Variants in OR6N1 observed in about 807,000 individuals in gnomAD.
The protein encoded by OR6N1 is olfactory receptor family 6 subfamily N member 1.
For missense variants in OR6N1, 394 were observed against 371.7 expected, an observed-to-expected ratio of 1.06 and a Z score of -0.49; for synonymous variants, 170 against 150.7, an observed-to-expected ratio of 1.13 and a Z score of -0.94.
chr1:158,798,727 T>TTA, the OR6N1 span, among the ~76,000 whole-genome samples: 7,344 of 152,224 alleles, frequency 0.048, 343 homozygotes, highest in Admixed American at 0.13. Flanking sequence ...TACAAATAAT[T>TTA]TATATATATA....
chr1:158,775,222 C>T (rs892630375), upstream of OR6N1: 1 of 152,152 alleles, frequency 6.6e-6, no homozygotes, highest in Non-Finnish European at 1.5e-5. Flanking sequence ...ATAAATTAGA[C>T]TGAGTGTTCA....
the OR6N1 span, among the ~76,000 whole-genome samples, chr1:158,804,079 G>A: frequency 6.6e-6 from 1 of 152,172 alleles, no homozygotes. Flanking sequence ...ACTGAGGTCT[G>A]GGGACAGGTT....
the OR6N1 span, among the ~76,000 whole-genome samples, chr1:158,829,146 G>A: frequency 6.6e-6 from 1 of 152,170 alleles, no homozygotes; most frequent in Non-Finnish European, 1.5e-5. Flanking sequence ...ACACGCCCTG[G>A]AGATATTTTC....
At chr1:158,774,691 G>A (rs1657537167), upstream of OR6N1, 1 of 148,608 alleles carries the variant, frequency 6.7e-6, no homozygotes, top group Non-Finnish European at 1.5e-5. Context: ...TAGCTTACAT[G>A]CCCACCAAAG....
chr1:158,794,513 A>G, the OR6N1 span, among the ~76,000 whole-genome samples: 1 of 152,146 alleles, frequency 6.6e-6, no homozygotes, highest in Non-Finnish European at 1.5e-5. Context: ...CGCTGTTGCC[A>G]GGGAGCGTCT....
the OR6N1 span, among the ~76,000 whole-genome samples, chr1:158,787,606 C>A: frequency 5.6e-5 from 7 of 124,066 alleles, no homozygotes; most frequent in Admixed American, 7.7e-5. Flanking sequence ...CTCTCTCTCT[C>A]TATCTATCTC....
the OR6N1 span, among the ~76,000 whole-genome samples, chr1:158,830,122 T>C: frequency 1.7e-4 from 26 of 152,286 alleles, no homozygotes; most frequent in African/African-American, 6.3e-4. Context: ...CAGAAAGCTG[T>C]CCTGAAACAT....
At chr1:158,805,309 C>T in the OR6N1 span, among the ~76,000 whole-genome samples, 1 of 152,194 alleles carries the variant, frequency 6.6e-6, no homozygotes, top group East Asian at 1.9e-4. Context: ...GAGTCAATAT[C>T]CAATTGTCAC....
At chr1:158,782,240 A>G in the OR6N1 span, among the ~76,000 whole-genome samples, 1 of 152,240 alleles carries the variant, frequency 6.6e-6, no homozygotes, top group African/African-American at 2.4e-5. Flanking sequence ...AACATTAACT[A>G]TAATAGTTTT....
At chr1:158,800,818 A>G in the OR6N1 span, among the ~76,000 whole-genome samples, 1 of 152,226 alleles carries the variant, frequency 6.6e-6, no homozygotes, top group African/African-American at 2.4e-5. Flanking sequence ...TTTTTATTTC[A>G]AAAATAAGTT....
chr1:158,788,054 T>C, the OR6N1 span, among the ~76,000 whole-genome samples: 2,382 of 152,276 alleles, frequency 0.016, 39 homozygotes, highest in Admixed American at 0.026. Context: ...AAAGTCTGAC[T>C]AGCCCACCTA....
the OR6N1 span, among the ~76,000 whole-genome samples, chr1:158,816,947 A>G: frequency 2.0e-5 from 3 of 152,256 alleles, no homozygotes; most frequent in Admixed American, 6.5e-5. Context: ...AGAAAGTCTC[A>G]CCACAGTCAC....
chr1:158,832,030 G>A, the OR6N1 span, among the ~76,000 whole-genome samples: 1 of 152,008 alleles, frequency 6.6e-6, no homozygotes, highest in African/African-American at 2.4e-5. Context: ...AATTTTACAA[G>A]CATTTACTCA....
chr1:158,777,412 G>A, the OR6N1 span: 1 of 1,613,666 alleles, frequency 6.2e-7, no homozygotes, highest in South Asian at 1.1e-5. Flanking sequence ...GATAGTGGTA[G>A]CTGTATACCA....
intron 1 of OR6N1, among the ~76,000 whole-genome samples, chr1:158,768,911 T>C (rs138474948): frequency 1.3e-3 from 205 of 152,290 alleles, no homozygotes; most frequent in African/African-American, 4.6e-3. Context: ...CTTATTCCTA[T>C]TGTTTATTGG....
chr1:158,804,290 G>A, the OR6N1 span, among the ~76,000 whole-genome samples: 1 of 152,018 alleles, frequency 6.6e-6, no homozygotes, highest in Non-Finnish European at 1.5e-5. Flanking sequence ...TTTTGTTCTG[G>A]TTGGCTCCAG....
At chr1:158,787,062 G>A in the OR6N1 span, among the ~76,000 whole-genome samples, 1 of 152,102 alleles carries the variant, frequency 6.6e-6, no homozygotes, top group African/African-American at 2.4e-5. Context: ...TTGGATGTGA[G>A]GCCTGGGAGA....
chr1:158,795,867 C>A, the OR6N1 span: 1 of 152,272 alleles, frequency 6.6e-6, no homozygotes, highest in Non-Finnish European at 1.5e-5. Context: ...ACAGAGTTTG[C>A]GGCTTCTTTC....
chr1:158,787,186 C>G, the OR6N1 span, among the ~76,000 whole-genome samples: 7 of 151,836 alleles, frequency 4.6e-5, no homozygotes, highest in African/African-American at 1.7e-4. Flanking sequence ...TCTCCTCCCC[C>G]TCTTGCTCTC....
Sources: gnomAD v4.1 joint callset for allele counts (sites outside exome capture counted in the v4.1 genomes callset) on GRCh38, gnomAD v4.1.1 for gene constraint, MANE v1.5 for transcripts, NCBI Gene and HGNC (gene_info 2026-07-23, HGNC 2026-07-21) for gene names.